AKNA: variants seen among roughly 807,000 people sequenced by gnomAD.
AKNA encodes microtubule organization protein AKNA.
AKNA carries 67 observed loss-of-function variants against 138.8 expected under a neutral mutation model. That is an observed-to-expected ratio of 0.48 (90% CI 0.40 to 0.59). The LOEUF (loss-of-function observed/expected upper bound fraction) is 0.59. AKNA is among the 20% of genes least tolerant of loss of function. AKNA has a pLI of 0.00. For missense variants in AKNA, 1,813 were observed against 1,880.4 expected, an observed-to-expected ratio of 0.96 and a Z score of 0.66; for synonymous variants, 737 against 754.4, an observed-to-expected ratio of 0.98 and a Z score of 0.38.
chr9:114,340,532 A>C (rs550940935), intron 21 of AKNA, among the ~76,000 whole-genome samples: 9 of 152,302 alleles, frequency 5.9e-5, no homozygotes, highest in African/African-American at 2.2e-4. Flanking sequence ...CACAAACTCC[A>C]CACACTTCTC....
intron 5 of AKNA, chr9:114,368,076 A>T (rs1028032358): frequency 2.4e-5 from 7 of 287,042 alleles, no homozygotes; most frequent in African/African-American, 1.5e-4. Flanking sequence ...CATGGGTGTG[A>T]CAACAGTGCA....
chr9:114,345,827 G>C, intron 18 of AKNA, 36 bp downstream of exon 18: 1 of 1,608,212 alleles, frequency 6.2e-7, no homozygotes, highest in Non-Finnish European at 8.5e-7. Context: ...CTGACACCAG[G>C]AGCTGCACCC....
chr9:114,370,616 G>A (rs965965253), intron 4 of AKNA, among the ~76,000 whole-genome samples: 19 of 152,036 alleles, frequency 1.2e-4, no homozygotes, highest in Non-Finnish European at 2.4e-4. Flanking sequence ...AGGGTGTCCC[G>A]GGTGCTCCCC....
In AKNA at chr9:114,337,199, A is replaced by G; in HGVS notation, c.4175T>C (p.Leu1392Pro). 1 of 1,595,966 alleles carries G rather than the reference A, an allele frequency of 6.3e-7. No individual in the cohort carries two copies. ...CTTGTTGAGCTCCTCTAGGTCGCCC[A>G]GGTCGAGCTGGATGGAGTGCCGGTG... Reference protein sequence around the residue: ...RRHRHSIQLDLGDLEELNKAL... With the variant: ...RRHRHSIQLDPGDLEELNKAL... The change falls in exon 22 of 22, where the codon CTG becomes CCG. Residue 1392 changes from leucine to proline, a missense_variant. Physicochemically the swap from Leu to Pro is moderately conservative, Grantham distance 98 (BLOSUM62 -3). Transcript: ENST00000374088.
At position 114,334,665 on chromosome 9, in the gene AKNA, T is replaced by A. The variant is rs1245809900; in HGVS notation, c.*2389A>T. 1 of 147,028 alleles carries A rather than the reference T, an allele frequency of 6.8e-6. No homozygotes were observed. Among genetic ancestry groups the A allele is most frequent in the Non-Finnish European group, 1.5e-5 (1 of 67,924 alleles). The allele number at this position is 147,028 out of a possible 1,614,324, so 9.1% of individuals were successfully genotyped here. A position where few individuals can be genotyped will look rare whatever the true frequency, so the allele number is the denominator to read the frequency against. ...GGTGCTCGTGATTGACAGCCTCTTG[T>A]TACGTGAGGGAAGCAGCACCCCTTC... On this transcript the variant is annotated 3_prime_UTR_variant, in exon 22 of 22. Transcript: ENST00000374088.
At chr9:114,338,701 T>C (rs578028627) in intron 21 of AKNA, among the ~76,000 whole-genome samples, 2 of 152,294 alleles carry the variant, frequency 1.3e-5, no homozygotes, top group South Asian at 4.1e-4. Flanking sequence ...ACAAGCTAAG[T>C]CACTTTGCAA....
intron 13 of AKNA, 62 bp downstream of exon 13, chr9:114,356,801 G>T: frequency 7.1e-7 from 1 of 1,412,738 alleles, no homozygotes; most frequent in Middle Eastern, 2.2e-4. Flanking sequence ...CACAGGCACT[G>T]TGATTCCCAG....
At chr9:114,385,993 G>GTAT (rs35064236) in intron 1 of AKNA, among the ~76,000 whole-genome samples, 4,740 of 152,220 alleles carry the variant, frequency 0.031, 239 homozygotes, top group African/African-American at 0.11. Flanking sequence ...TATCGCAAGG[G>GTAT]GATATCACCC....
chr9:114,332,186 G>A (rs1204722753), downstream of AKNA, among the ~76,000 whole-genome samples: 5 of 151,874 alleles, frequency 3.3e-5, no homozygotes, highest in African/African-American at 7.3e-5. Context: ...TGAGCCACGG[G>A]GTTGGGGGAT....
At chr9:114,387,192 T>A (rs1023999642) in intron 1 of AKNA, among the ~76,000 whole-genome samples, 2 of 152,172 alleles carry the variant, frequency 1.3e-5, no homozygotes, top group African/African-American at 2.4e-5. Context: ...ACCCACCTGC[T>A]GGCAGGGCAC....
Position 114,357,811 on chromosome 9 carries a change from G to C in AKNA, c.2739+110C>G, listed in dbSNP as rs1434868059. The C allele has an allele frequency of 3.3e-6, 5 of 1,513,988 alleles. No individual in the cohort carries two copies. In the East Asian group the frequency reaches 7.1e-5, roughly 21 times the overall value. The allele number at this position is 1,513,988 out of a possible 1,614,324, so 93.8% of individuals were successfully genotyped here. On this transcript the variant is annotated intron_variant, in intron 12 of 21. Transcript: ENST00000374088. ...ATTGTGGCTGGCAGGGACAGGAGCA[G>C]CAAGTATTCCAAGAAGGAATAGCAC...
intron 21 of AKNA, among the ~76,000 whole-genome samples, chr9:114,337,871 T>C (rs543455766): frequency 4.1e-4 from 62 of 152,318 alleles, no homozygotes; most frequent in African/African-American, 1.4e-3. Flanking sequence ...AAGAGCATCC[T>C]TCCTAGCCCA....
chr9:114,358,542 G>A (rs1266648978), intron 11 of AKNA, among the ~76,000 whole-genome samples: 2 of 152,102 alleles, frequency 1.3e-5, no homozygotes, highest in African/African-American at 2.4e-5. Context: ...AGTGTGTCAT[G>A]TGACAAACAG....
In AKNA at chr9:114,362,302, C is replaced by A. The variant is rs73656049; in HGVS notation, c.1916+104G>T. 0.01 allele frequency: 14,636 copies of A among 1,420,608 alleles called. 1,248 individuals are homozygous for A. The African/African-American group carries it at 0.19, about 18-fold the overall frequency. The allele number at this position is 1,420,608 out of a possible 1,614,324, so 88.0% of individuals were successfully genotyped here. On this transcript the variant is annotated intron_variant, in intron 8 of 21. Coordinates refer to ENST00000374088, the MANE Select transcript of AKNA (RefSeq NM_001317950.2). ...AATTAGGATAAGATTTCTCTCTATT[C>A]CCCGTGTACAAATTATAAGGACAAA...
downstream of AKNA, among the ~76,000 whole-genome samples, chr9:114,331,245 A>G (rs929919459): frequency 6.6e-6 from 1 of 152,090 alleles, no homozygotes; most frequent in Non-Finnish European, 1.5e-5. Flanking sequence ...GAGGTGGCAC[A>G]TGGCAGGGAT....
chr9:114,339,174 C>A (rs1000976757), intron 21 of AKNA, among the ~76,000 whole-genome samples: 2 of 152,148 alleles, frequency 1.3e-5, no homozygotes, highest in South Asian at 2.1e-4. Context: ...AATTTGATGA[C>A]CAACTTGGCC....
intron 1 of AKNA, among the ~76,000 whole-genome samples, chr9:114,393,896 T>G (rs1047343787): frequency 6.6e-5 from 10 of 152,082 alleles, no homozygotes; most frequent in Non-Finnish European, 1.3e-4. Context: ...CAACAGGCCA[T>G]GCGCCGTGGC....
chr9:114,369,475 C>T (rs1832606262), intron 4 of AKNA, among the ~76,000 whole-genome samples: 1 of 152,170 alleles, frequency 6.6e-6, no homozygotes, highest in African/African-American at 2.4e-5. Flanking sequence ...AGTTTGCCAA[C>T]TCTGGCTTAG....
intron 19 of AKNA, among the ~76,000 whole-genome samples, chr9:114,342,852 G>T (rs1830449828): frequency 1.3e-5 from 2 of 149,444 alleles, no homozygotes; most frequent in Non-Finnish European, 2.9e-5. Flanking sequence ...GCCCCATAGG[G>T]GTAAGTGATG....
Sources: allele counts gnomAD v4.1 joint callset (sites outside exome capture counted in the v4.1 genomes callset), GRCh38; gene constraint gnomAD v4.1.1; transcripts MANE v1.5; gene names NCBI Gene and HGNC (gene_info 2026-07-23, HGNC 2026-07-21).